Variants in PALM2AKAP2 observed in about 807,000 individuals in gnomAD.
PALM2AKAP2 encodes the protein PALM2 and AKAP2 fusion.
Under a neutral mutation model 71.5 loss-of-function variants are expected in PALM2AKAP2, and 37 were observed. The ratio of observed to expected loss-of-function variants is 0.52; its 90% CI spans 0.40 to 0.68. The LOEUF is 0.68. Among genes scored for constraint, PALM2AKAP2 ranks in the 30% least tolerant of loss-of-function variants. The probability of loss-of-function intolerance (pLI) is 0.00; values close to 1 mark genes in which losing one functional copy is unlikely to be tolerated. For missense variants in PALM2AKAP2, 1,224 were observed against 1,191.8 expected (o/e 1.03, Z -0.40); for synonymous variants, 468 against 478.8 (o/e 0.98, Z 0.29).
chr9:109,653,032 A>AT (rs1325844258), intron 1 of PALM2AKAP2, among the ~76,000 whole-genome samples: 16 of 152,246 alleles, frequency 1.1e-4, no homozygotes, highest in Admixed American at 9.8e-4. Flanking sequence ...TGGTTAAGTC[A>AT]TTTACTTAAA....
At chr9:109,819,787 A>G (rs997594811) in intron 1 of PALM2AKAP2, among the ~76,000 whole-genome samples, 1 of 152,064 alleles carries the variant, frequency 6.6e-6, no homozygotes, top group African/African-American at 2.4e-5. Flanking sequence ...ATATACAAAG[A>G]TCAGCCACCC....
intron 1 of PALM2AKAP2, among the ~76,000 whole-genome samples, chr9:110,103,221 A>G (rs1835041939): frequency 6.6e-6 from 1 of 152,166 alleles, no homozygotes; most frequent in Admixed American, 6.5e-5. Flanking sequence ...CACAACAATA[A>G]ATTTTGAGAG....
At chr9:109,789,233 C>T (rs1274989135) in intron 1 of PALM2AKAP2, among the ~76,000 whole-genome samples, 2 of 152,148 alleles carry the variant, frequency 1.3e-5, no homozygotes, top group African/African-American at 4.8e-5. Flanking sequence ...TTGAGAGAGG[C>T]TTGCCATACA....
intron 1 of PALM2AKAP2, among the ~76,000 whole-genome samples, chr9:109,712,261 A>G (rs780974097): frequency 6.6e-6 from 1 of 152,232 alleles, no homozygotes; most frequent in African/African-American, 2.4e-5. Context: ...CTAAAACATT[A>G]TCCATGTATT....
In PALM2AKAP2 at chr9:109,670,059, A is replaced by T. The variant is rs575576282; in HGVS notation, c.5+29193A>T. Among the ~76,000 whole-genome samples the T allele has an allele frequency of 3.7e-4, 56 of 152,104 alleles. 1 individual carries two copies. Among genetic ancestry groups the T allele is most frequent in the Admixed American group, 4.6e-4 (7 of 15,252 alleles). ...ATTTCCTTTTAAGTACATTAGATGCATGCCACAAATTTTGATTTGTTTTAT... is the reference window on the plus strand; with the variant it reads ...ATTTCCTTTTAAGTACATTAGATGCTTGCCACAAATTTTGATTTGTTTTAT... On this transcript the variant is annotated intron_variant, in intron 1 of 6. Transcript: ENST00000374531.
intron 6 of PALM2AKAP2, among the ~76,000 whole-genome samples, chr9:109,955,289 A>G (rs1831725525): frequency 6.6e-6 from 1 of 152,218 alleles, no homozygotes; most frequent in East Asian, 1.9e-4. Context: ...TGAACAGGCT[A>G]CAAGCAGAAA....
chr9:109,907,353 A>G (rs1830469184), intron 3 of PALM2AKAP2, among the ~76,000 whole-genome samples: 1 of 152,228 alleles, frequency 6.6e-6, no homozygotes, highest in South Asian at 2.1e-4. Flanking sequence ...AGTGACCCAG[A>G]ACATTTCAAA....
intron 3 of PALM2AKAP2, among the ~76,000 whole-genome samples, chr9:109,906,628 G>C (rs1830453036): frequency 6.6e-6 from 1 of 152,164 alleles, no homozygotes; most frequent in Admixed American, 6.5e-5. Flanking sequence ...GAACCTTCTT[G>C]CTTCCCACAG....
chr9:109,868,669 C>T (rs1829524338), intron 2 of PALM2AKAP2, among the ~76,000 whole-genome samples: 1 of 152,176 alleles, frequency 6.6e-6, no homozygotes, highest in Non-Finnish European at 1.5e-5. Flanking sequence ...GCAGCATGAC[C>T]TATATCTGCT....
At chr9:110,071,107 G>C (rs1834196595) in intron 1 of PALM2AKAP2, among the ~76,000 whole-genome samples, 1 of 134,686 alleles carries the variant, frequency 7.4e-6, no homozygotes, top group Non-Finnish European at 1.5e-5. Flanking sequence ...GAGGCTGCAG[G>C]GAGCCCAGAT....
chr9:109,865,579 G>T (rs1303463912), intron 1 of PALM2AKAP2, among the ~76,000 whole-genome samples: 1 of 152,150 alleles, frequency 6.6e-6, no homozygotes, highest in East Asian at 1.9e-4. Flanking sequence ...GGGCAACTCT[G>T]GAGTGAGGAC....
intron 4 of PALM2AKAP2, among the ~76,000 whole-genome samples, chr9:109,924,381 G>A (rs1202568657): frequency 1.3e-5 from 2 of 151,966 alleles, no homozygotes; most frequent in South Asian, 2.1e-4. Context: ...GGTGGATCAC[G>A]AGGTCAGGAG....
chr9:109,938,781 C>T (rs1259671034), intron 6 of PALM2AKAP2, among the ~76,000 whole-genome samples: 1 of 152,178 alleles, frequency 6.6e-6, no homozygotes, highest in Non-Finnish European at 1.5e-5. Context: ...GTAATCTCAG[C>T]ACTTTGGGAG....
intron 1 of PALM2AKAP2, among the ~76,000 whole-genome samples, chr9:109,794,663 G>A (rs1328241798): frequency 6.6e-6 from 1 of 152,136 alleles, no homozygotes; most frequent in Non-Finnish European, 1.5e-5. Context: ...AGTGGTAGCA[G>A]GATCGACCCT....
At chr9:109,953,070 C>G (rs1036428904) in intron 6 of PALM2AKAP2, among the ~76,000 whole-genome samples, 2 of 152,162 alleles carry the variant, frequency 1.3e-5, no homozygotes, top group Non-Finnish European at 2.9e-5. Context: ...CTTTGGCCTC[C>G]TTTAGATTTG....
At chr9:110,042,280 G>T (rs1833522540) in intron 7 of PALM2AKAP2, among the ~76,000 whole-genome samples, 1 of 152,188 alleles carries the variant, frequency 6.6e-6, no homozygotes. Context: ...TGCAAAATTA[G>T]CTGGGCATGG....
chr9:109,983,080 C>T (rs1332729389), intron 6 of PALM2AKAP2, among the ~76,000 whole-genome samples: 7 of 152,172 alleles, frequency 4.6e-5, no homozygotes, highest in Non-Finnish European at 1.0e-4. Flanking sequence ...AAAGTTTCCC[C>T]TAAAACCCCT....
chr9:109,924,887 T>A (rs1830916496), intron 4 of PALM2AKAP2, among the ~76,000 whole-genome samples, 174 bp from the exon 5 acceptor site: 1 of 152,216 alleles, frequency 6.6e-6, no homozygotes, highest in Non-Finnish European at 1.5e-5. Context: ...GAATTATAAT[T>A]TTGGAATTCT....
chr9:109,739,731 G>A (rs1367001327), intron 1 of PALM2AKAP2, among the ~76,000 whole-genome samples: 1 of 152,258 alleles, frequency 6.6e-6, no homozygotes, highest in East Asian at 1.9e-4. Context: ...ATAACTTTGA[G>A]GTCTCTAGTT....
Sources: allele counts gnomAD v4.1 joint callset (sites outside exome capture counted in the v4.1 genomes callset), GRCh38; gene constraint gnomAD v4.1.1; transcripts MANE v1.5; gene names NCBI Gene and HGNC (gene_info 2026-07-23, HGNC 2026-07-21).